SH3RF1: variants seen among roughly 807,000 people sequenced by gnomAD.
The protein encoded by SH3RF1 is SH3 domain containing ring finger 1, also known as E3 ubiquitin-protein ligase SH3RF1.
A neutral mutation model predicts 74.0 loss-of-function variants in SH3RF1; 32 were observed. The observed-to-expected ratio is 0.43, with a 90% CI of 0.33 to 0.58. The LOEUF is 0.58. Among genes scored for constraint, SH3RF1 ranks in the 20% least tolerant of loss-of-function variants. SH3RF1 has a pLI of 0.05. For synonymous variants in SH3RF1, 396 were observed against 439.6 expected (o/e 0.90, Z 1.24); for missense variants, 954 against 1,130.9 (o/e 0.84, Z 2.24).
chr4:169,242,710 T>C (rs759980934), intron 2 of SH3RF1, among the ~76,000 whole-genome samples: 12 of 152,192 alleles, frequency 7.9e-5, no homozygotes, highest in Non-Finnish European at 1.6e-4. Context: ...CTGTCCTTTA[T>C]GAAGGGAGTG....
chr4:169,225,400 G>A (rs910584429), intron 2 of SH3RF1, among the ~76,000 whole-genome samples: 4 of 152,178 alleles, frequency 2.6e-5, no homozygotes, highest in Non-Finnish European at 4.4e-5. Flanking sequence ...CTAAAGTCAC[G>A]AGACGGAAAG....
chr4:169,141,466 A>G (rs1360431726), intron 4 of SH3RF1, among the ~76,000 whole-genome samples: 3 of 152,212 alleles, frequency 2.0e-5, no homozygotes, highest in Non-Finnish European at 4.4e-5. Flanking sequence ...TCAAAGTGTA[A>G]GTTTAAAAAT....
chr4:169,143,323 A>G (rs1733817149), intron 4 of SH3RF1, among the ~76,000 whole-genome samples: 3 of 152,238 alleles, frequency 2.0e-5, no homozygotes, highest in African/African-American at 7.2e-5. Flanking sequence ...GTAAAAAAGT[A>G]CTGAGATGGG....
At chr4:169,115,779 A>G (rs1733322447) in intron 10 of SH3RF1, among the ~76,000 whole-genome samples, 1 of 152,206 alleles carries the variant, frequency 6.6e-6, no homozygotes, top group South Asian at 2.1e-4. Flanking sequence ...GTTGGGGACC[A>G]CTGTTGTAGA....
intron 6 of SH3RF1, among the ~76,000 whole-genome samples, chr4:169,125,829 T>C (rs893139732): frequency 6.6e-6 from 1 of 152,220 alleles, no homozygotes; most frequent in Non-Finnish European, 1.5e-5. Context: ...TACTGGTTGA[T>C]GAGGGAATGG....
intron 4 of SH3RF1, among the ~76,000 whole-genome samples, chr4:169,142,718 G>C (rs548971058): frequency 1.5e-4 from 23 of 152,262 alleles, no homozygotes; most frequent in African/African-American, 5.5e-4. Context: ...CCCCAGATAA[G>C]TCAGTCACTT....
chr4:169,238,144 C>A (rs1043121267), intron 2 of SH3RF1, among the ~76,000 whole-genome samples: 1 of 152,188 alleles, frequency 6.6e-6, no homozygotes, highest in Non-Finnish European at 1.5e-5. Flanking sequence ...CTGTAATACT[C>A]TAATGCAATA....
At chr4:169,211,998 T>C (rs1018376240) in intron 2 of SH3RF1, among the ~76,000 whole-genome samples, 2 of 151,964 alleles carry the variant, frequency 1.3e-5, no homozygotes, top group Admixed American at 6.5e-5. Context: ...GTTAATAATG[T>C]TGGAAGTAAT....
At chr4:169,108,601 C>T (rs1440715895) in intron 10 of SH3RF1, among the ~76,000 whole-genome samples, 1 of 152,176 alleles carries the variant, frequency 6.6e-6, no homozygotes, top group African/African-American at 2.4e-5. Flanking sequence ...TGAGCAGAGC[C>T]AGCTGATCCC....
At chr4:169,130,720 C>T (rs1470446175) in intron 5 of SH3RF1, among the ~76,000 whole-genome samples, 1 of 152,188 alleles carries the variant, frequency 6.6e-6, no homozygotes, top group Non-Finnish European at 1.5e-5. Flanking sequence ...TTTAAAGGAA[C>T]AATGTCAAGC....
At chr4:169,235,074 ATATTG>A (rs1045239842) in intron 2 of SH3RF1, among the ~76,000 whole-genome samples, 2 of 152,220 alleles carry the variant, frequency 1.3e-5, no homozygotes, top group African/African-American at 4.8e-5. Flanking sequence ...AGATTTTGAT[ATATTG>A]GGTTTGCTAG....
intron 2 of SH3RF1, among the ~76,000 whole-genome samples, chr4:169,223,860 CA>C (rs1310872105): frequency 1.2e-4 from 18 of 151,872 alleles, no homozygotes; most frequent in Non-Finnish European, 2.9e-5. Flanking sequence ...GGAAGGGAGC[CA>C]AAAAAGCACA....
chr4:169,220,056 A>G (rs886978954), intron 2 of SH3RF1: 2 of 152,188 alleles, frequency 1.3e-5, no homozygotes, highest in African/African-American at 4.8e-5. Flanking sequence ...TTTTGCTGCA[A>G]AGAAATACCA....
chr4:169,113,461 T>A (rs1733276908), intron 10 of SH3RF1, among the ~76,000 whole-genome samples: 1 of 152,144 alleles, frequency 6.6e-6, no homozygotes, highest in African/African-American at 2.4e-5. Flanking sequence ...TCTGGGAAAT[T>A]CTAAAACAGT....
intron 9 of SH3RF1, 130 bp from the exon 10 acceptor site, chr4:169,116,760 G>A: frequency 8.0e-7 from 1 of 1,257,314 alleles, no homozygotes; most frequent in Non-Finnish European, 1.1e-6. Context: ...AATAAAGATG[G>A]GATGGACGGT....
intron 11 of SH3RF1, among the ~76,000 whole-genome samples, chr4:169,105,025 G>A (rs2706714): frequency 0.048 from 7,324 of 152,078 alleles, 605 homozygotes; most frequent in African/African-American, 0.17. Context: ...AAATATGAAT[G>A]CAGGCCTCAG....
At chr4:169,169,389 G>C (rs1327078580) in intron 2 of SH3RF1, among the ~76,000 whole-genome samples, 1 of 152,126 alleles carries the variant, frequency 6.6e-6, no homozygotes, top group Non-Finnish European at 1.5e-5. Context: ...ATGAGGTCAG[G>C]AGTTCAAGAC....
intron 2 of SH3RF1, among the ~76,000 whole-genome samples, chr4:169,204,810 A>C (rs1730221912): frequency 6.6e-6 from 1 of 152,096 alleles, no homozygotes; most frequent in Non-Finnish European, 1.5e-5. Flanking sequence ...CGGCCTCCCA[A>C]AGCATTGGGA....
At chr4:169,206,253 A>G (rs576133803) in intron 2 of SH3RF1, among the ~76,000 whole-genome samples, 58 of 152,380 alleles carry the variant, frequency 3.8e-4, no homozygotes, top group Admixed American at 7.8e-4. Flanking sequence ...ATATCTTAGC[A>G]TGCCACACAT....
Sources: allele counts gnomAD v4.1 joint callset (sites outside exome capture counted in the v4.1 genomes callset), GRCh38; gene constraint gnomAD v4.1.1; transcripts MANE v1.5; gene names NCBI Gene and HGNC (gene_info 2026-07-23, HGNC 2026-07-21).